The following METTL21C variants were observed in gnomAD, a reference collection of about 807,000 sequenced individuals.
METTL21C encodes protein-lysine methyltransferase METTL21C.
Under a neutral mutation model 25.9 loss-of-function variants are expected in METTL21C, and 21 were observed. The ratio of observed to expected loss-of-function variants is 0.81; its 90% CI spans 0.58 to 1.17. The LOEUF (loss-of-function observed/expected upper bound fraction) is 1.17, where lower values mean the gene tolerates loss of function less well. METTL21C is among the 50% of genes most tolerant of loss of function. METTL21C has a pLI of 0.00. For missense variants in METTL21C, 312 were observed against 315.1 expected, an observed-to-expected ratio of 0.99 and a Z score of 0.07; for synonymous variants, 125 against 124.7, an observed-to-expected ratio of 1.00 and a Z score of -0.01.
rs1356468444 is a variant in METTL21C at position 102,686,318 on chromosome 13, G to A, written c.508C>T (p.Leu170=). Residue 170 remains leucine, a synonymous_variant, in exon 4 of 4, where the codon CTG becomes TTG. Coordinates refer to ENST00000267273, the MANE Select transcript of METTL21C (RefSeq NM_001010977.3). ...CTAHLPEVKE[L]VWGEDLDKNF... Reference sequence around the variant, plus strand: ...TTGTCCAGGTCTTCCCCCCATACCAGTTCTTTCACTTCAGGCAGATGTGCT... The same window carrying A: ...TTGTCCAGGTCTTCCCCCCATACCAATTCTTTCACTTCAGGCAGATGTGCT... 5.0e-6 allele frequency: 8 copies of A among 1,614,080 alleles called. No homozygotes were observed. The highest frequency in any genetic ancestry group is 1.1e-5 in the South Asian group (1 of 91,088).
intron 2 of METTL21C, among the ~76,000 whole-genome samples, chr13:102,688,922 T>C (rs960169719): frequency 2.6e-5 from 4 of 152,168 alleles, no homozygotes; most frequent in Admixed American, 6.5e-5. Context: ...TTCACAGAGT[T>C]GCACCTGAAG....
chr13:102,688,143 C>T (rs1054366355), intron 2 of METTL21C, among the ~76,000 whole-genome samples: 11 of 152,316 alleles, frequency 7.2e-5, no homozygotes, highest in Middle Eastern at 3.4e-3. Context: ...AGATATGCCC[C>T]CATCTTCCTC....
intron 2 of METTL21C, among the ~76,000 whole-genome samples, chr13:102,687,790 T>G (rs1194884408): frequency 6.6e-6 from 1 of 152,228 alleles, no homozygotes; most frequent in Non-Finnish European, 1.5e-5. Context: ...AAGCAGATTT[T>G]TTTAAATGTT....
chr13:102,693,878 G>C (rs190882171), intron 1 of METTL21C, among the ~76,000 whole-genome samples: 86 of 152,270 alleles, frequency 5.6e-4, no homozygotes, highest in East Asian at 7.7e-4. Context: ...TGTAAATGCT[G>C]CATCTTGGCT....
Position 102,694,434 on chromosome 13 carries a change from C to T in METTL21C, c.65G>A (p.Gly22Asp). ...CTTCTTCTCAGCCTCTAACCAGCCA[C>T]CCGGGGAGCTGAGTCCTTCCCCCCG... ...GRRGEGLSSP[G>D]GWLEAEKKGA... is the part of the protein sequence containing the mutation. Residue 22 changes from glycine to aspartate, a missense_variant, in exon 1 of 4, where the codon GGT becomes GAT. Physicochemically the swap from Gly to Asp is moderately conservative, Grantham distance 94. Coordinates refer to ENST00000267273, the MANE Select transcript of METTL21C (RefSeq NM_001010977.3). 1 of 1,466,258 alleles carries T rather than the reference C, an allele frequency of 6.8e-7. No individual in the cohort carries two copies. The highest frequency in any genetic ancestry group is 9.0e-7 in the Non-Finnish European group (1 of 1,115,360). The allele number at this position is 1,466,258 out of a possible 1,614,324, so 90.8% of individuals were successfully genotyped here. A position where few individuals can be genotyped will look rare whatever the true frequency, so the allele number is the denominator to read the frequency against.
chr13:102,688,800 C>T lies in METTL21C; in HGVS notation c.283-1743G>A, dbSNP rs571449514. ...GTGCCCTGCCCTGTGAGGGGCTGGC[C>T]GCAGGGTGTCATGCGGAGACAAAGC... On this transcript the variant is annotated intron_variant, in intron 2 of 3. Coordinates refer to ENST00000267273, the MANE Select transcript of METTL21C (RefSeq NM_001010977.3). Among the ~76,000 whole-genome samples the T allele has an allele frequency of 3.9e-5, 6 of 152,212 alleles. No homozygotes were observed. In the South Asian group the frequency reaches 6.2e-4, roughly 16 times the overall value.
intron 1 of METTL21C, 61 bp from the exon 2 acceptor site, chr13:102,691,025 C>A: frequency 6.4e-7 from 1 of 1,565,438 alleles, no homozygotes. Flanking sequence ...CAAAGACACA[C>A]TTGGTATAAT....
chr13:102,702,744 A>C, the METTL21C span, among the ~76,000 whole-genome samples: 92,277 of 151,930 alleles, frequency 0.61, 29,101 homozygotes, highest in Non-Finnish European at 0.68. Context: ...GCATGTGCCA[A>C]CATGCCAGGC....
intron 2 of METTL21C, among the ~76,000 whole-genome samples, chr13:102,689,341 G>A (rs1044148772): frequency 2.6e-5 from 4 of 152,194 alleles, no homozygotes; most frequent in African/African-American, 4.8e-5. Context: ...TCGTTTTTAA[G>A]GCAAAGAAAA....
rs2139639009 is a variant in METTL21C, at chr13:102,685,781, AC to A, written c.*249del. On this transcript the variant is annotated 3_prime_UTR_variant, in exon 4 of 4. Transcript: ENST00000267273. ...CCATGTAAGATTTATTAAACATGTA[AC>A]TTCGTTGGAACCAACAAAGCTACTT... The A allele has an allele frequency of 1.8e-5, 7 of 399,014 alleles. No individual in the cohort carries two copies. The South Asian group carries it at 3.4e-4, about 19-fold the overall frequency. 24.7% of individuals were successfully genotyped at this position (399,014 alleles called of 1,614,324 possible).
intron 1 of METTL21C, among the ~76,000 whole-genome samples, chr13:102,692,232 T>A (rs1885849500): frequency 6.6e-6 from 1 of 152,056 alleles, no homozygotes; most frequent in Admixed American, 6.6e-5. Flanking sequence ...AGGAGGTGAA[T>A]ACGAGGCAAA....
chr13:102,687,007 G>A lies in METTL21C; in HGVS notation c.333C>T (p.Phe111=), dbSNP rs1226519085. ...CAATTTCAAGTATTTTTGCATCTTG[G>A]AAATTCAATTCCTCGGCATGTTCCT... ...YLEEHAEELN[F]QDAKILEIGA... is the part of the protein sequence containing the mutation. The change falls in exon 3 of 4, where the codon TTC becomes TTT. Residue 111 remains phenylalanine (F), a synonymous_variant. Coordinates refer to ENST00000267273, the MANE Select transcript of METTL21C (RefSeq NM_001010977.3). 1 of 1,614,002 alleles carries A rather than the reference G, an allele frequency of 6.2e-7. No homozygotes were observed. Among genetic ancestry groups the A allele is most frequent in the Non-Finnish European group, 8.5e-7 (1 of 1,179,990 alleles).
chr13:102,701,607 T>TTGTGTG, the METTL21C span, among the ~76,000 whole-genome samples: 2 of 150,324 alleles, frequency 1.3e-5, no homozygotes, highest in Non-Finnish European at 3.0e-5. Context: ...TCTAGCCTGA[T>TTGTGTG]TGTGTGTGTG....
intron 3 of METTL21C, 149 bp from the exon 4 acceptor site, chr13:102,686,574 T>A: frequency 2.1e-6 from 2 of 956,342 alleles, no homozygotes; most frequent in Non-Finnish European, 3.0e-6. Flanking sequence ...GTGGGCTGGC[T>A]AATTCTTGTG....
Position 102,692,234 on chromosome 13 carries a change from C to T in METTL21C, c.131-1270G>A, listed in dbSNP as rs528588140. Among the ~76,000 whole-genome samples the T allele has an allele frequency of 2.0e-5, 3 of 152,156 alleles. No individual in the cohort carries two copies. The East Asian group carries it at 5.8e-4, about 29-fold the overall frequency. ...GGTGGAAGGCAGGAGGAGGTGAATACGAGGCAAAGGGAAGTGGGTCTTGGG... is the reference window on the plus strand; with the variant it reads ...GGTGGAAGGCAGGAGGAGGTGAATATGAGGCAAAGGGAAGTGGGTCTTGGG... On this transcript the variant is annotated intron_variant, in intron 1 of 3. Transcript: ENST00000267273.
chr13:102,695,847 T>C (rs1314100345), upstream of METTL21C, among the ~76,000 whole-genome samples: 5 of 152,352 alleles, frequency 3.3e-5, no homozygotes, highest in South Asian at 4.1e-4. Context: ...CTATGAGAAA[T>C]AGCAAAAAGA....
rs746094750 is a variant in METTL21C, at chr13:102,686,139, G to C, written c.687C>G (p.Thr229=). The C allele has an allele frequency of 6.2e-7, 1 of 1,614,034 alleles. No homozygotes were observed. The highest frequency in any genetic ancestry group is 1.3e-5 in the African/African-American group (1 of 75,020). ...TGAATTTATCTAAAAATTCATAGTC[G>C]GTGCTGAACCTGAATTTGTTTGCCC... ...LLWANKFRFS[T]DYEFLDKFKQ... Residue 229 remains threonine, a synonymous_variant, in exon 4 of 4, where the codon ACC becomes ACG. Coordinates refer to ENST00000267273, the MANE Select transcript of METTL21C (RefSeq NM_001010977.3).
At chr13:102,690,425 G>GAA (rs1163380445) in intron 2 of METTL21C, among the ~76,000 whole-genome samples, 4 of 111,156 alleles carry the variant, frequency 3.6e-5, no homozygotes, top group Admixed American at 9.8e-5. Context: ...CATCTCAAAA[G>GAA]AAAAAAAAAA....
the METTL21C span, among the ~76,000 whole-genome samples, chr13:102,703,664 G>A: frequency 1.3e-5 from 2 of 152,242 alleles, no homozygotes; most frequent in Admixed American, 6.5e-5. Flanking sequence ...AACCACGGCA[G>A]TGAGGTTTTG....
Sources: gnomAD v4.1 joint callset for allele counts (sites outside exome capture counted in the v4.1 genomes callset) on GRCh38, gnomAD v4.1.1 for gene constraint, MANE v1.5 for transcripts, NCBI Gene and HGNC (gene_info 2026-07-23, HGNC 2026-07-21) for gene names.